The following FBN2 variants were observed in gnomAD, a reference collection of about 807,000 sequenced individuals.
FBN2 encodes fibrillin 2.
In FBN2, 105 loss-of-function variants were observed where a neutral mutation model predicts 355.6. That is an observed-to-expected ratio of 0.30 (90% confidence interval 0.25 to 0.35). The LOEUF is 0.35. FBN2 is among the 10% of genes least tolerant of loss of function. The probability of loss-of-function intolerance (pLI) is 1.00; values close to 1 mark genes in which losing one functional copy is unlikely to be tolerated. For synonymous variants in FBN2, 1,350 were observed against 1,301.2 expected (o/e 1.04, Z -0.81); for missense variants, 3,280 against 3,758.7 (o/e 0.87, Z 3.33).
chr5:128,334,960 A>G, intron 30 of FBN2, 116 bp from the exon 31 acceptor site: 1 of 1,166,622 alleles, frequency 8.6e-7, no homozygotes. Context: ...AATATAATCC[A>G]TCCGCAAATC....
chr5:128,408,915 T>G, intron 7 of FBN2, 116 bp from the exon 8 acceptor site: 2 of 1,115,966 alleles, frequency 1.8e-6, no homozygotes, highest in South Asian at 2.6e-5. Context: ...TCAGATCATA[T>G]AACCCTGAAG....
intron 34 of FBN2, among the ~76,000 whole-genome samples, chr5:128,320,841 T>C (rs1405750948): frequency 6.6e-6 from 1 of 152,182 alleles, no homozygotes; most frequent in African/African-American, 2.4e-5. Context: ...ACGCTAAAAA[T>C]TTTTTGGCTT....
chr5:128,281,622 A>G (rs1218483622), intron 55 of FBN2, among the ~76,000 whole-genome samples: 1 of 152,120 alleles, frequency 6.6e-6, no homozygotes, highest in African/African-American at 2.4e-5. Flanking sequence ...CCATTGGTCC[A>G]CTTATATTAT....
In FBN2 at chr5:128,351,065, G is replaced by A. The variant is rs150535853; in HGVS notation, c.2675-60C>T. On this transcript the variant is annotated intron_variant, in intron 20 of 64. Coordinates refer to ENST00000262464, the MANE Select transcript of FBN2 (RefSeq NM_001999.4). ...CCTCTGAAGAAAATAGAATTCAGCT[G>A]TGTACACAAAAGGCATTTGTTACAG... is the stretch of plus-strand genomic sequence containing the variant. 2.1e-5 allele frequency: 33 copies of A among 1,595,946 alleles called. No individual in the cohort carries two copies. In the East Asian group the frequency reaches 6.9e-4, roughly 33 times the overall value.
rs769856454 is a variant in FBN2, at chr5:128,349,329, T to C, written c.2989+18A>G. 2.5e-6 allele frequency: 4 copies of C among 1,614,002 alleles called. No individual in the cohort carries two copies. The highest frequency in any genetic ancestry group is 1.3e-5 in the African/African-American group (1 of 75,052). On this transcript the variant is annotated intron_variant, in intron 23 of 64. Transcript: ENST00000262464. The stretch of plus-strand genomic sequence containing the variant: ...TGGCTTGTTTTATACATAGAATACA[T>C]GAGGGTGTGAATCTTACCCAAACAT...
chr5:128,482,612 T>C (rs1391198348), intron 5 of FBN2, among the ~76,000 whole-genome samples: 2 of 152,144 alleles, frequency 1.3e-5, no homozygotes, highest in Non-Finnish European at 1.5e-5. Flanking sequence ...ATTTTTTGCA[T>C]GTGTGTCTGC....
intron 51 of FBN2, among the ~76,000 whole-genome samples, chr5:128,289,623 G>C (rs1561750521): frequency 6.6e-6 from 1 of 151,862 alleles, no homozygotes; most frequent in Non-Finnish European, 1.5e-5. Flanking sequence ...AAAATAAAAA[G>C]ATATGCCAGT....
At chr5:128,398,932 G>A (rs1012436287) in intron 8 of FBN2, among the ~76,000 whole-genome samples, 17 of 152,292 alleles carry the variant, frequency 1.1e-4, no homozygotes, top group African/African-American at 3.8e-4. Context: ...CTTGCACCAT[G>A]AATGTGAGGC....
chr5:128,281,050 A>T (rs961941578), intron 55 of FBN2, among the ~76,000 whole-genome samples: 2 of 152,148 alleles, frequency 1.3e-5, no homozygotes, highest in African/African-American at 2.4e-5. Flanking sequence ...TAAAATTTTT[A>T]AAAATTTACT....
chr5:128,297,865 T>G (rs1017094471), intron 48 of FBN2, among the ~76,000 whole-genome samples: 25 of 152,264 alleles, frequency 1.6e-4, no homozygotes, highest in Admixed American at 1.5e-3. Flanking sequence ...ATGTGTGAAT[T>G]TGATCCTGTC....
chr5:128,340,216 C>T (rs560255372), intron 25 of FBN2, among the ~76,000 whole-genome samples: 1 of 152,158 alleles, frequency 6.6e-6, no homozygotes, highest in Admixed American at 6.5e-5. Flanking sequence ...AAATGCCCCA[C>T]TACGATCTCT....
chr5:128,354,097 C>T (rs1343928714), intron 20 of FBN2, among the ~76,000 whole-genome samples: 3 of 152,184 alleles, frequency 2.0e-5, no homozygotes, highest in African/African-American at 7.2e-5. Flanking sequence ...TAGTTAAGAA[C>T]TCTCAAAAAA....
intron 39 of FBN2, among the ~76,000 whole-genome samples, chr5:128,310,402 AT>A (rs199690802): frequency 0.021 from 478 of 23,130 alleles, no homozygotes; most frequent in South Asian, 0.035. Context: ...ATATATATAT[AT>A]TTTTTTTTTT....
chr5:128,384,299 A>G (rs1752311871), intron 11 of FBN2, among the ~76,000 whole-genome samples: 1 of 151,994 alleles, frequency 6.6e-6, no homozygotes, highest in African/African-American at 2.4e-5. Flanking sequence ...GGGATGGATG[A>G]AAGGAGGAGC....
At chr5:128,385,151 C>T (rs1752333016) in intron 11 of FBN2, among the ~76,000 whole-genome samples, 1 of 152,084 alleles carries the variant, frequency 6.6e-6, no homozygotes, top group Admixed American at 6.5e-5. Context: ...AAGATTATTT[C>T]ATCACCCATG....
chr5:128,377,837 G>A lies in FBN2; in HGVS notation c.1764C>T (p.Asn588=), dbSNP rs773907432. ...ECIQNGVLCK[N]GRCVNTDGSF... is the part of the protein sequence containing the mutation. ...TTCCATCTGTGTTCACGCATCGACC[G>A]TTTTTACAAAGAACCCCATTCTGGA... The change falls in exon 13 of 65, where the codon AAC becomes AAT. Residue 588 remains asparagine, a synonymous_variant. Coordinates refer to ENST00000262464, the MANE Select transcript of FBN2 (RefSeq NM_001999.4). 26 of 1,613,178 alleles carry A rather than the reference G, an allele frequency of 1.6e-5. No individual in the cohort carries two copies. Among genetic ancestry groups the A allele is most frequent in the Middle Eastern group, 1.6e-4 (1 of 6,080 alleles).
intron 6 of FBN2, among the ~76,000 whole-genome samples, chr5:128,459,850 C>A (rs1347170803): frequency 6.6e-6 from 1 of 152,136 alleles, no homozygotes; most frequent in Non-Finnish European, 1.5e-5. Context: ...AACCCACAGG[C>A]AATATCATAG....
intron 2 of FBN2, among the ~76,000 whole-genome samples, chr5:128,532,647 A>G (rs944186889): frequency 2.6e-4 from 39 of 152,184 alleles, no homozygotes; most frequent in Non-Finnish European, 2.9e-5. Context: ...CTCAACAATG[A>G]AAAAAGCATT....
At chr5:128,448,981 A>G (rs1263647798) in intron 6 of FBN2, among the ~76,000 whole-genome samples, 1 of 152,080 alleles carries the variant, frequency 6.6e-6, no homozygotes, top group Non-Finnish European at 1.5e-5. Context: ...ATTAATAAAG[A>G]ATTTTTGGAC....
Sources: gnomAD v4.1 joint callset for allele counts (sites outside exome capture counted in the v4.1 genomes callset) on GRCh38, gnomAD v4.1.1 for gene constraint, MANE v1.5 for transcripts, NCBI Gene and HGNC (gene_info 2026-07-23, HGNC 2026-07-21) for gene names.